The following PLP1 variants were observed in gnomAD, a reference collection of about 807,000 sequenced individuals.
PLP1 encodes proteolipid protein 1.
In PLP1, 2 loss-of-function variants were observed where a neutral mutation model predicts 18.5. The observed-to-expected ratio is 0.11, with a 90% confidence interval of 0.04 to 0.34. The LOEUF (loss-of-function observed/expected upper bound fraction) is 0.34, where lower values mean the gene tolerates loss of function less well. PLP1 is among the 10% of genes least tolerant of loss of function. The probability of loss-of-function intolerance (pLI) is 1.00; values close to 1 mark genes in which losing one functional copy is unlikely to be tolerated. For missense variants in PLP1, 105 were observed against 207.3 expected (o/e 0.51, Z 3.03); for synonymous variants, 86 against 83.2 (o/e 1.03, Z -0.19).
chrX:103,789,374 G>A lies in PLP1; in HGVS notation c.738G>A (p.Gly246=), dbSNP rs1347236725. ...ACCTGTTTATTGCTGCATTTGTGGG[G>A]GCTGCAGCTACACTGGTTTCCCTGG... is the stretch of plus-strand genomic sequence containing the variant. The part of the protein sequence containing the change: ...TFHLFIAAFV[G]AAATLVSLLT... Residue 246 remains glycine (G), a synonymous_variant, in exon 6 of 7, where the codon GGG becomes GGA. Transcript: ENST00000621218. 1 of 1,207,476 alleles carries A rather than the reference G, an allele frequency of 8.3e-7. No individual in the cohort carries two copies.
chrX:103,786,211 C>CCCTG (rs763727530), intron 2 of PLP1: 2 of 1,138,088 alleles, frequency 1.8e-6, no homozygotes, highest in South Asian at 3.8e-5. Context: ...GAGAGTAGGT[C>CCCTG]CCTGGTTCTC....
intron 1 of PLP1, among the ~76,000 whole-genome samples, chrX:103,779,396 G>T (rs180845568): frequency 8.9e-6 from 1 of 111,855 alleles, no homozygotes; most frequent in East Asian, 2.8e-4. Flanking sequence ...GCGGCAGAGC[G>T]GGGGTCCAGT....
chrX:103,785,162 G>A (rs1233867577), intron 1 of PLP1, among the ~76,000 whole-genome samples: 5 of 109,721 alleles, frequency 4.6e-5, no homozygotes, highest in Non-Finnish European at 7.6e-5. Context: ...GGCAACCTCC[G>A]CCTCCTCCTG....
intron 4 of PLP1, 92 bp from the exon 5 acceptor site, chrX:103,788,345 T>C: frequency 1.5e-6 from 1 of 657,524 alleles, no homozygotes; most frequent in Non-Finnish European, 2.6e-6. Flanking sequence ...GCCAGGATAA[T>C]TAGAGATGGA....
intron 3 of PLP1, 119 bp from the exon 4 acceptor site, chrX:103,787,679 G>A: frequency 1.6e-6 from 1 of 614,993 alleles, no homozygotes; most frequent in Non-Finnish European, 2.8e-6. Context: ...TTCATTTGAA[G>A]GAGAGCCCTG....
At chrX:103,781,519 G>A (rs1436561810) in intron 1 of PLP1, among the ~76,000 whole-genome samples, 1 of 112,156 alleles carries the variant, frequency 8.9e-6, no homozygotes. Context: ...TTGCTTATAG[G>A]TAGCTTTAGA....
Position 103,787,863 on chromosome X carries a change from T to A in PLP1, c.519T>A (p.Pro173=). The A allele has an allele frequency of 8.3e-7, 1 of 1,207,728 alleles. No individual in the cohort carries two copies. Among genetic ancestry groups the A allele is most frequent in the South Asian group, 1.8e-5 (1 of 56,892 alleles). ...TGGTGTTTGCCTGCTCTGCTGTGCC[T>A]GTGTACATTTACTTCAACACCTGGA... is the stretch of plus-strand genomic sequence containing the variant. ...WLLVFACSAV[P]VYIYFNTWTT... The change falls in exon 4 of 7, where the codon CCT becomes CCA. Residue 173 remains proline, a synonymous_variant. Transcript: ENST00000621218.
chrX:103,784,906 T>G (rs969666011), intron 1 of PLP1, among the ~76,000 whole-genome samples: 1 of 112,190 alleles, frequency 8.9e-6, no homozygotes, highest in African/African-American at 3.2e-5. Flanking sequence ...ATTCCATAAA[T>G]AGTTGATGAA....
At chrX:103,778,800 C>T (rs921618548) in intron 1 of PLP1, among the ~76,000 whole-genome samples, 1 of 112,193 alleles carries the variant, frequency 8.9e-6, no homozygotes, top group South Asian at 3.7e-4. Context: ...TCATCTCTAA[C>T]AAGGTACTGG....
In PLP1 at chrX:103,790,606, T is replaced by G; in HGVS notation, c.*8T>G. On this transcript the variant is annotated 3_prime_UTR_variant, in exon 7 of 7. Transcript: ENST00000621218. ...CGAGGCACCAAGTTCTGATCCCCCG[T>G]AGAAATCCCCCTTTCTCTAATAGCG... 8.5e-7 allele frequency: 1 copy of G among 1,174,011 alleles called. No individual in the cohort carries two copies. Among genetic ancestry groups the G allele is most frequent in the Non-Finnish European group, 1.2e-6 (1 of 861,192 alleles).
intron 3 of PLP1, 82 bp from the exon 4 acceptor site, chrX:103,787,716 G>T: frequency 1.2e-6 from 1 of 838,111 alleles, no homozygotes; most frequent in South Asian, 2.0e-5. Context: ...TCTGGCACAC[G>T]CCACTCCAGG....
chrX:103,783,223 T>C (rs2074468091), intron 1 of PLP1, among the ~76,000 whole-genome samples: 2 of 112,329 alleles, frequency 1.8e-5, no homozygotes, highest in Non-Finnish European at 1.9e-5. Context: ...TTTGTACACA[T>C]GCATGCATGT....
rs1440332615 is a variant in PLP1, at chrX:103,792,183, G to T, written c.*1585G>T. Reference sequence around the variant, plus strand: ...AGATTTGTACTACAGTTCTTTTGTTGTAAAGAGTTGTGTTGTTCTTTTCCC... The same window carrying T: ...AGATTTGTACTACAGTTCTTTTGTTTTAAAGAGTTGTGTTGTTCTTTTCCC... On this transcript the variant is annotated 3_prime_UTR_variant, in exon 7 of 7. Transcript: ENST00000621218. 3 of 111,102 alleles carry T rather than the reference G, an allele frequency of 2.7e-5. No individual in the cohort carries two copies. The highest frequency in any genetic ancestry group is 9.8e-5 in the African/African-American group (3 of 30,576). The allele number at this position is 111,102 out of a possible 1,213,427, so 9.2% of individuals were successfully genotyped here.
intron 1 of PLP1, among the ~76,000 whole-genome samples, chrX:103,780,435 C>CTGTGTGTGTGTGTGTGTG (rs759765185): frequency 1.3e-4 from 9 of 68,349 alleles, no homozygotes; most frequent in South Asian, 5.0e-4. Flanking sequence ...CATTCTGTCT[C>CTGTGTGTGTGTGTGTGTG]TCTCTGTGTG....
At position 103,790,774 on chromosome X, in the gene PLP1, C is replaced by T. The variant is rs749958994; in HGVS notation, c.*176C>T. ...TTAAGGTCTCTCTTTGGACTCTCCC[C>T]TCTTATGTACCTCTTTTAGTCATTT... On this transcript the variant is annotated 3_prime_UTR_variant, in exon 7 of 7. Coordinates refer to ENST00000621218, the MANE Select transcript of PLP1 (RefSeq NM_000533.5). 4.1e-4 allele frequency: 197 copies of T among 475,582 alleles called. No homozygotes were observed. The highest frequency in any genetic ancestry group is 7.1e-4 in the Non-Finnish European group (188 of 266,273). 39.2% of individuals were successfully genotyped at this position (475,582 alleles called of 1,213,427 possible).
intron 1 of PLP1, among the ~76,000 whole-genome samples, chrX:103,784,178 C>G (rs1286677682): frequency 9.0e-6 from 1 of 111,446 alleles, no homozygotes; most frequent in East Asian, 2.8e-4. Flanking sequence ...TCTTGTGTGC[C>G]TCTCCTGTTT....
At chrX:103,788,869 T>C (rs1380835619) in intron 5 of PLP1, 1 of 287,226 alleles carries the variant, frequency 3.5e-6, no homozygotes, top group Non-Finnish European at 6.1e-6. Flanking sequence ...ATTCATAGGT[T>C]TTATGAAAAC....
chrX:103,785,819 T>C, intron 2 of PLP1, 51 bp downstream of exon 2: 3 of 1,048,459 alleles, frequency 2.9e-6, no homozygotes, highest in Non-Finnish European at 4.0e-6. Flanking sequence ...CCTCTCTCCA[T>C]CCTGGAGATA....
chrX:103,792,237 G>T lies in PLP1; in HGVS notation c.*1639G>T, dbSNP rs1475944166. 8.9e-6 allele frequency: 1 copy of T among 111,995 alleles called. No homozygotes were observed. The highest frequency in any genetic ancestry group is 3.2e-5 in the African/African-American group (1 of 30,796). 9.2% of individuals were successfully genotyped at this position (111,995 alleles called of 1,213,427 possible). A position where few individuals can be genotyped will look rare whatever the true frequency, so the allele number is the denominator to read the frequency against. ...AAGTGGTTTCAGCAATATTTAAGGA[G>T]ATGTAAGAGCTTTACAAAAAGACAC... On this transcript the variant is annotated 3_prime_UTR_variant, in exon 7 of 7. Coordinates refer to ENST00000621218, the MANE Select transcript of PLP1 (RefSeq NM_000533.5).
Sources: allele counts gnomAD v4.1 joint callset (sites outside exome capture counted in the v4.1 genomes callset), GRCh38; gene constraint gnomAD v4.1.1; transcripts MANE v1.5; gene names NCBI Gene and HGNC (gene_info 2026-07-23, HGNC 2026-07-21).